Variants in MLLT3 observed in about 807,000 individuals in gnomAD.
The protein encoded by MLLT3 is protein AF-9.
A neutral mutation model predicts 53.2 loss-of-function variants in MLLT3; 4 were observed. That is an observed-to-expected ratio of 0.08 (90% CI 0.04 to 0.17). The LOEUF is 0.17. MLLT3 is among the 10% of genes least tolerant of loss of function. The pLI, the probability that MLLT3 is intolerant of heterozygous loss-of-function variation, is 1.00. For missense variants in MLLT3, 569 were observed against 684.0 expected (o/e 0.83, Z 1.87); for synonymous variants, 283 against 230.6 (o/e 1.23, Z -2.06).
chr9:20,500,296 G>A lies in MLLT3; in HGVS notation c.194-43510C>T, dbSNP rs191054384. 3.3e-5 allele frequency among the ~76,000 whole-genome samples: 5 copies of A among 152,298 alleles called. No homozygotes were observed. The East Asian group carries it at 9.6e-4, about 29-fold the overall frequency. On this transcript the variant is annotated intron_variant, in intron 2 of 10. Transcript: ENST00000380338. ...CTCCTCACAACACAATGGCCTCTGA[G>A]CAGCTGGACTGCTTACATGAAGGCT...
At chr9:20,609,988 A>C (rs556976497) in intron 2 of MLLT3, among the ~76,000 whole-genome samples, 26 of 152,134 alleles carry the variant, frequency 1.7e-4, no homozygotes, top group Non-Finnish European at 3.8e-4. Flanking sequence ...AATAAAGGGT[A>C]GTTATTATTT....
At chr9:20,452,620 C>G (rs901250431) in intron 3 of MLLT3, among the ~76,000 whole-genome samples, 1 of 151,984 alleles carries the variant, frequency 6.6e-6, no homozygotes, top group African/African-American at 2.4e-5. Flanking sequence ...ATAATAAATA[C>G]GCAAAAGAAA....
At chr9:20,567,154 C>G (rs1375960211) in intron 2 of MLLT3, among the ~76,000 whole-genome samples, 5 of 103,648 alleles carry the variant, frequency 4.8e-5, no homozygotes, top group Non-Finnish European at 9.7e-5. Flanking sequence ...ACCAAAAGCA[C>G]AAGAGGAAAT....
At chr9:20,557,679 G>C (rs1819096641) in intron 2 of MLLT3, among the ~76,000 whole-genome samples, 2 of 152,204 alleles carry the variant, frequency 1.3e-5, no homozygotes, top group Non-Finnish European at 2.9e-5. Context: ...AAAGGCACTA[G>C]TGAGAATATA....
At chr9:20,399,379 C>G (rs1822399915) in intron 5 of MLLT3, among the ~76,000 whole-genome samples, 2 of 152,046 alleles carry the variant, frequency 1.3e-5, no homozygotes, top group South Asian at 4.1e-4. Context: ...CAATTAAGAG[C>G]CAGGGACCAT....
At chr9:20,408,641 A>G (rs1001885996) in intron 5 of MLLT3, among the ~76,000 whole-genome samples, 2 of 152,250 alleles carry the variant, frequency 1.3e-5, no homozygotes, top group South Asian at 4.1e-4. Flanking sequence ...CTCCCTCACC[A>G]TACTTACAGA....
At chr9:20,559,058 T>C (rs887050660) in intron 2 of MLLT3, among the ~76,000 whole-genome samples, 1 of 152,220 alleles carries the variant, frequency 6.6e-6, no homozygotes, top group Non-Finnish European at 1.5e-5. Flanking sequence ...TCCACCTTTA[T>C]GGCCCAGGAA....
chr9:20,592,716 CTAAA>C (rs1246419604), intron 2 of MLLT3, among the ~76,000 whole-genome samples: 2 of 152,082 alleles, frequency 1.3e-5, no homozygotes, highest in African/African-American at 4.8e-5. Context: ...TGAAAAAGTC[CTAAA>C]TAAATACTCA....
chr9:20,391,118 C>T (rs1413554), intron 5 of MLLT3, among the ~76,000 whole-genome samples: 25,489 of 152,066 alleles, frequency 0.17, 5,434 homozygotes, highest in African/African-American at 0.5. Context: ...TTTTGGACAA[C>T]GGTTTGCTAG....
intron 5 of MLLT3, among the ~76,000 whole-genome samples, chr9:20,401,715 A>G (rs1822461603): frequency 1.3e-5 from 2 of 152,210 alleles, no homozygotes; most frequent in South Asian, 4.1e-4. Context: ...AATAACTGCC[A>G]TTTATATCTC....
chr9:20,605,658 C>T (rs1407629326), intron 2 of MLLT3, among the ~76,000 whole-genome samples: 1 of 151,962 alleles, frequency 6.6e-6, no homozygotes, highest in Admixed American at 6.6e-5. Flanking sequence ...TAACATAATT[C>T]CAATCATGTT....
At chr9:20,578,354 T>A (rs1819707975) in intron 2 of MLLT3, among the ~76,000 whole-genome samples, 1 of 152,130 alleles carries the variant, frequency 6.6e-6, no homozygotes. Flanking sequence ...AAAACAGGGA[T>A]TGATTACTAA....
rs533300901 is a variant in MLLT3 at position 20,496,207 on chromosome 9, A to C, written c.194-39421T>G. ...TCTAAACAGAGCCCTAAAGTAAATT[A>C]AATCTTTAGAAAAACACACTTTTTT... is the stretch of plus-strand genomic sequence containing the variant. On this transcript the variant is annotated intron_variant, in intron 2 of 10. Coordinates refer to ENST00000380338, the MANE Select transcript of MLLT3 (RefSeq NM_004529.4). Among the ~76,000 whole-genome samples, 3 of 152,238 alleles carry C rather than the reference A, an allele frequency of 2.0e-5. No homozygotes were observed. The South Asian group carries it at 6.2e-4, about 32-fold the overall frequency.
chr9:20,491,249 AT>A (rs1824939907), intron 2 of MLLT3, among the ~76,000 whole-genome samples: 2 of 152,270 alleles, frequency 1.3e-5, no homozygotes, highest in East Asian at 1.9e-4. Context: ...TTTAACATTA[AT>A]TTTTTTAATT....
At chr9:20,538,515 C>G (rs1203119390) in intron 2 of MLLT3, among the ~76,000 whole-genome samples, 1 of 152,134 alleles carries the variant, frequency 6.6e-6, no homozygotes, top group Non-Finnish European at 1.5e-5. Context: ...GGCAAACATT[C>G]CTATCTAAAT....
At chr9:20,467,817 G>C (rs902783810) in intron 2 of MLLT3, among the ~76,000 whole-genome samples, 7 of 152,204 alleles carry the variant, frequency 4.6e-5, no homozygotes, top group Non-Finnish European at 1.0e-4. Flanking sequence ...AATTATGACT[G>C]TACCTCAAAT....
chr9:20,459,994 T>C (rs996715557), intron 2 of MLLT3, among the ~76,000 whole-genome samples: 1 of 152,084 alleles, frequency 6.6e-6, no homozygotes, highest in African/African-American at 2.4e-5. Flanking sequence ...TTAGGGGAAG[T>C]TGTTTATTTA....
chr9:20,510,605 C>T (rs1382036557), intron 2 of MLLT3, among the ~76,000 whole-genome samples: 18 of 109,482 alleles, frequency 1.6e-4, no homozygotes, highest in Non-Finnish European at 2.7e-4. Flanking sequence ...GATCAAGACT[C>T]CATCTCAGAA....
chr9:20,499,716 G>C (rs1381551694), intron 2 of MLLT3, among the ~76,000 whole-genome samples: 3 of 152,158 alleles, frequency 2.0e-5, no homozygotes, highest in Non-Finnish European at 2.9e-5. Context: ...GTTAGGTAAA[G>C]GTACATGAAG....
Sources: gnomAD v4.1 joint callset for allele counts (sites outside exome capture counted in the v4.1 genomes callset) on GRCh38, gnomAD v4.1.1 for gene constraint, MANE v1.5 for transcripts, NCBI Gene and HGNC (gene_info 2026-07-23, HGNC 2026-07-21) for gene names.